The following PIP5K1B variants were observed in gnomAD, a reference collection of about 807,000 sequenced individuals.
PIP5K1B encodes the protein phosphatidylinositol-4-phosphate 5-kinase type 1 beta.
PIP5K1B carries 42 observed loss-of-function variants against 67.0 expected under a neutral mutation model. The observed-to-expected ratio is 0.63, with a 90% CI of 0.49 to 0.81. PIP5K1B has a LOEUF of 0.81. Among genes scored for constraint, PIP5K1B ranks in the 30% least tolerant of loss-of-function variants. The pLI is 0.00. For synonymous variants in PIP5K1B, 214 were observed against 231.4 expected, an observed-to-expected ratio of 0.92 and a Z score of 0.68; for missense variants, 459 against 646.3, an observed-to-expected ratio of 0.71 and a Z score of 3.14.
chr9:68,900,236 C>A (rs1362512055), intron 8 of PIP5K1B, among the ~76,000 whole-genome samples: 2 of 152,080 alleles, frequency 1.3e-5, no homozygotes, highest in East Asian at 3.9e-4. Context: ...TTAGCACTGA[C>A]CCCTGTCTTC....
rs141017692 is a variant in PIP5K1B, at chr9:68,943,943, T to C, written c.1502+3153T>C. On this transcript the variant is annotated intron_variant, in intron 14 of 15. Coordinates refer to ENST00000265382, the MANE Select transcript of PIP5K1B (RefSeq NM_003558.4). ...ACTGCAGTGGGAAACTGCTGTCTCT[T>C]AGAATTATTCCTTTTTTTAAAGGAT... 4.8e-3 allele frequency among the ~76,000 whole-genome samples: 730 copies of C among 152,360 alleles called. 9 individuals carry two copies. The highest frequency in any genetic ancestry group is 0.017 in the African/African-American group (690 of 41,568).
chr9:68,977,438 G>T (rs551130008), intron 14 of PIP5K1B, among the ~76,000 whole-genome samples: 3 of 152,146 alleles, frequency 2.0e-5, no homozygotes, highest in African/African-American at 2.4e-5. Flanking sequence ...CACAAACATC[G>T]CTTGAACCCG....
rs1824634806 is a variant in PIP5K1B at position 68,889,054 on chromosome 9, G to T, written c.392G>T (p.Ser131Ile). 2 of 1,612,412 alleles carry T rather than the reference G, an allele frequency of 1.2e-6. No homozygotes were observed. The highest frequency in any genetic ancestry group is 1.7e-6 in the Non-Finnish European group (2 of 1,178,620). The change falls in exon 7 of 16, where the codon AGT becomes ATT. Residue 131 changes from serine to isoleucine, a missense_variant. Ser to Ile is a moderately radical substitution (Grantham distance 142). Coordinates refer to ENST00000265382, the MANE Select transcript of PIP5K1B (RefSeq NM_003558.4). The part of the protein sequence containing the change: ...GASGSLFFVT[S>I]DDEFIIKTVQ... Reference sequence around the variant, plus strand: ...AGTGGATCCTTGTTTTTTGTGACCAGTGATGATGAATTTATCATCAAAACA... The same window carrying T: ...AGTGGATCCTTGTTTTTTGTGACCATTGATGATGAATTTATCATCAAAACA...
At chr9:68,752,473 T>G (rs1215289021) in intron 2 of PIP5K1B, among the ~76,000 whole-genome samples, 1 of 152,182 alleles carries the variant, frequency 6.6e-6, no homozygotes, top group Admixed American at 6.5e-5. Flanking sequence ...ATGGTTTGGT[T>G]TCCTTTTTAT....
intron 4 of PIP5K1B, among the ~76,000 whole-genome samples, chr9:68,833,053 A>AT (rs1196539758): frequency 6.6e-6 from 1 of 152,242 alleles, no homozygotes; most frequent in Non-Finnish European, 1.5e-5. Context: ...TTAGCTTGGC[A>AT]TGGTGCTAGG....
intron 1 of PIP5K1B, among the ~76,000 whole-genome samples, chr9:68,725,696 C>G (rs1318434683): frequency 2.0e-5 from 3 of 152,106 alleles, no homozygotes; most frequent in African/African-American, 7.2e-5. Context: ...GAGTGGCATG[C>G]TTTTATCTTT....
At chr9:68,832,779 G>A (rs1834387942) in intron 4 of PIP5K1B, among the ~76,000 whole-genome samples, 1 of 152,196 alleles carries the variant, frequency 6.6e-6, no homozygotes, top group South Asian at 2.1e-4. Context: ...CAGCAGAGTT[G>A]ATGAGCTACT....
intron 5 of PIP5K1B, among the ~76,000 whole-genome samples, chr9:68,876,476 G>A (rs748573129): frequency 2.0e-5 from 3 of 152,118 alleles, no homozygotes; most frequent in African/African-American, 7.2e-5. Flanking sequence ...AAGCCTGCAC[G>A]GAGTGACCTC....
At chr9:69,008,357 G>C in intron 15 of PIP5K1B, 90 bp from the exon 16 acceptor site, 1 of 1,159,798 alleles carries the variant, frequency 8.6e-7, no homozygotes, top group South Asian at 1.2e-5. Flanking sequence ...GTGATTGGGA[G>C]AAATAACGAA....
chr9:68,709,829 G>C (rs1377963596), intron 1 of PIP5K1B, among the ~76,000 whole-genome samples: 1 of 152,178 alleles, frequency 6.6e-6, no homozygotes, highest in Admixed American at 6.5e-5. Flanking sequence ...AGGATCACTG[G>C]AGCCTAGGAG....
intron 1 of PIP5K1B, among the ~76,000 whole-genome samples, chr9:68,726,837 G>T (rs569146341): frequency 1.3e-5 from 2 of 152,168 alleles, no homozygotes; most frequent in Non-Finnish European, 2.9e-5. Flanking sequence ...TATTCAAATA[G>T]TTGTGTCCTG....
intron 2 of PIP5K1B, among the ~76,000 whole-genome samples, chr9:68,785,124 G>T (rs571863654): frequency 6.6e-6 from 1 of 152,244 alleles, no homozygotes; most frequent in South Asian, 2.1e-4. Context: ...GAAGTGGGTT[G>T]GATTGACTAG....
chr9:68,805,521 G>C (rs1832826002), intron 2 of PIP5K1B, among the ~76,000 whole-genome samples: 1 of 152,198 alleles, frequency 6.6e-6, no homozygotes, highest in Non-Finnish European at 1.5e-5. Context: ...GAGAGGTACT[G>C]TTATTTGTTT....
chr9:68,952,677 T>G (rs1367777834), intron 14 of PIP5K1B, among the ~76,000 whole-genome samples: 2 of 152,198 alleles, frequency 1.3e-5, no homozygotes, highest in Non-Finnish European at 2.9e-5. Flanking sequence ...TTTTGGATTT[T>G]TTTTTTCAAC....
At chr9:68,761,832 C>T (rs1796915196) in intron 2 of PIP5K1B, among the ~76,000 whole-genome samples, 1 of 152,124 alleles carries the variant, frequency 6.6e-6, no homozygotes, top group Admixed American at 6.6e-5. Flanking sequence ...CTTAACTTCA[C>T]CTGCAGCCTT....
chr9:68,735,426 T>C (rs1471200795), intron 1 of PIP5K1B, among the ~76,000 whole-genome samples: 1 of 148,590 alleles, frequency 6.7e-6, no homozygotes, highest in Admixed American at 6.7e-5. Context: ...CTTAGGCTCC[T>C]CTGGGTTATA....
chr9:68,791,580 T>TG (rs1226050521), intron 2 of PIP5K1B, among the ~76,000 whole-genome samples: 1 of 152,118 alleles, frequency 6.6e-6, no homozygotes, highest in Non-Finnish European at 1.5e-5. Flanking sequence ...TGAGTCCTCT[T>TG]GGGGAAAAAA....
At chr9:68,823,422 A>T (rs991251612) in intron 4 of PIP5K1B, among the ~76,000 whole-genome samples, 1 of 152,180 alleles carries the variant, frequency 6.6e-6, no homozygotes, top group Non-Finnish European at 1.5e-5. Flanking sequence ...ACCAACATTT[A>T]AAACATTTCC....
chr9:68,914,879 A>G (rs931033549), intron 8 of PIP5K1B, among the ~76,000 whole-genome samples: 3 of 152,204 alleles, frequency 2.0e-5, no homozygotes, highest in Admixed American at 2.0e-4. Context: ...CCAGCAATAC[A>G]GTTCTATTTT....
Sources: gnomAD v4.1 joint callset for allele counts (sites outside exome capture counted in the v4.1 genomes callset) on GRCh38, gnomAD v4.1.1 for gene constraint, MANE v1.5 for transcripts, NCBI Gene and HGNC (gene_info 2026-07-23, HGNC 2026-07-21) for gene names.